The following FEZ2 variants were observed in gnomAD, a reference collection of about 807,000 sequenced individuals.
FEZ2 encodes fasciculation and elongation protein zeta 2, also known as fasciculation and elongation protein zeta-2.
FEZ2 carries 51 observed loss-of-function variants against 40.4 expected under a neutral mutation model. The observed-to-expected ratio is 1.26, with a 90% CI of 1.01 to 1.59. FEZ2 has a LOEUF of 1.59. Among genes scored for constraint, FEZ2 ranks in the 40% most tolerant of loss-of-function variants. The pLI is 0.00. For missense variants in FEZ2, 640 were observed against 438.3 expected (o/e 1.46, Z -4.11); for synonymous variants, 242 against 172.0 (o/e 1.41, Z -3.18).
chr2:36,581,656 T>C (rs1166225899), intron 3 of FEZ2: 2 of 466,836 alleles, frequency 4.3e-6, no homozygotes, highest in African/African-American at 2.0e-5. Context: ...CTAAATAGAA[T>C]TGGATTTACT....
chr2:36,579,743 G>C (rs180955265), intron 4 of FEZ2, among the ~76,000 whole-genome samples: 1 of 152,096 alleles, frequency 6.6e-6, no homozygotes, highest in Non-Finnish European at 1.5e-5. Context: ...TTATAGCAGT[G>C]CAAGAATGGA....
At chr2:36,591,610 A>T (rs1437821702) in intron 1 of FEZ2, 1 of 152,648 alleles carries the variant, frequency 6.6e-6, no homozygotes, top group Non-Finnish European at 1.5e-5. Flanking sequence ...GAAGCTAAGC[A>T]CTAAGGCAGA....
chr2:36,564,254 T>C (rs1668171286), intron 5 of FEZ2, among the ~76,000 whole-genome samples: 2 of 152,242 alleles, frequency 1.3e-5, no homozygotes, highest in South Asian at 4.1e-4. Context: ...TTGACAAGCC[T>C]ATGTTCCTGT....
chr2:36,555,523 G>T (rs1667935118), intron 7 of FEZ2, 160 bp downstream of exon 7: 1 of 448,120 alleles, frequency 2.2e-6, no homozygotes. Context: ...GATATATAAT[G>T]TTGGTAGAAG....
chr2:36,581,094 A>G (rs926609880), intron 4 of FEZ2, among the ~76,000 whole-genome samples, 196 bp downstream of exon 4: 2 of 152,206 alleles, frequency 1.3e-5, no homozygotes, highest in Non-Finnish European at 2.9e-5. Context: ...GGTTGCAGTG[A>G]GCTGAAATCA....
At chr2:36,558,347 AAC>A (rs1295518354) in intron 6 of FEZ2, 89 bp downstream of exon 6, 17 of 732,830 alleles carry the variant, frequency 2.3e-5, no homozygotes, top group Non-Finnish European at 3.2e-5. Flanking sequence ...AAACTGACAA[AAC>A]ACTAACAACA....
chr2:36,560,941 T>C (rs1668077467), intron 5 of FEZ2: 1 of 846,256 alleles, frequency 1.2e-6, no homozygotes, highest in Non-Finnish European at 1.9e-6. Flanking sequence ...GAATGTACCA[T>C]GATGACTTAT....
At chr2:36,556,940 AG>A (rs1200597576) in intron 6 of FEZ2, 1 of 152,212 alleles carries the variant, frequency 6.6e-6, no homozygotes, top group Non-Finnish European at 1.5e-5. Context: ...AAATATGTCC[AG>A]AGATTCCAAA....
intron 5 of FEZ2, among the ~76,000 whole-genome samples, chr2:36,569,800 A>G (rs1668357438): frequency 6.6e-6 from 1 of 152,212 alleles, no homozygotes; most frequent in African/African-American, 2.4e-5. Context: ...CTAACTGGCC[A>G]GGAAATCATT....
At chr2:36,560,242 T>C (rs1668057460) in intron 5 of FEZ2, among the ~76,000 whole-genome samples, 3 of 152,346 alleles carry the variant, frequency 2.0e-5, no homozygotes, top group African/African-American at 7.2e-5. Context: ...TTTGTATAAA[T>C]AATGTCGCAT....
intron 5 of FEZ2, among the ~76,000 whole-genome samples, chr2:36,573,004 A>G (rs1668460533): frequency 6.6e-6 from 1 of 152,162 alleles, no homozygotes; most frequent in South Asian, 2.1e-4. Context: ...TCTTTTCTCT[A>G]CTACCGTTAG....
intron 4 of FEZ2, 104 bp from the exon 5 acceptor site, chr2:36,578,969 A>G: frequency 1.1e-6 from 1 of 901,080 alleles, no homozygotes; most frequent in Non-Finnish European, 1.7e-6. Flanking sequence ...TATGTAATCA[A>G]TGCCAAAGAG....
intron 5 of FEZ2, among the ~76,000 whole-genome samples, chr2:36,574,422 C>T (rs939876007): frequency 4.6e-5 from 7 of 151,666 alleles, no homozygotes; most frequent in African/African-American, 1.2e-4. Flanking sequence ...CTACGAATAC[C>T]GAGAAAGTAA....
At chr2:36,591,124 A>C (rs1669060358) in intron 1 of FEZ2, 113 bp from the exon 2 acceptor site, 1 of 695,620 alleles carries the variant, frequency 1.4e-6, no homozygotes, top group Non-Finnish European at 2.5e-6. Context: ...AGAAAAACAG[A>C]CAGCACATTG....
At chr2:36,568,341 CTAAA>C (rs1406993612) in intron 5 of FEZ2, among the ~76,000 whole-genome samples, 2 of 152,052 alleles carry the variant, frequency 1.3e-5, no homozygotes, top group Non-Finnish European at 2.9e-5. Context: ...AGATTTGTTA[CTAAA>C]TAAATAAGTA....
intron 5 of FEZ2, among the ~76,000 whole-genome samples, chr2:36,563,838 C>A (rs1205353231): frequency 6.6e-6 from 1 of 152,188 alleles, no homozygotes; most frequent in Non-Finnish European, 1.5e-5. Flanking sequence ...TCCTTGGATT[C>A]AGAGACACCA....
chr2:36,574,827 T>C (rs74995958), intron 5 of FEZ2, among the ~76,000 whole-genome samples: 2,016 of 152,244 alleles, frequency 0.013, 46 homozygotes, highest in African/African-American at 0.046. Flanking sequence ...CCCCCCATCC[T>C]CTGCTCCTCC....
chr2:36,592,792 G>T (rs1282530780), intron 1 of FEZ2, among the ~76,000 whole-genome samples: 1 of 152,142 alleles, frequency 6.6e-6, no homozygotes, highest in African/African-American at 2.4e-5. Context: ...TCCAGCCTGG[G>T]AGACAGAGCA....
intron 7 of FEZ2, chr2:36,555,432 C>A: frequency 3.4e-6 from 1 of 298,182 alleles, no homozygotes; most frequent in East Asian, 5.8e-5. Context: ...CTTCTACTAC[C>A]TCTCTTGATG....
Sources: allele counts gnomAD v4.1 joint callset (sites outside exome capture counted in the v4.1 genomes callset), GRCh38; gene constraint gnomAD v4.1.1; transcripts MANE v1.5; gene names NCBI Gene and HGNC (gene_info 2026-07-23, HGNC 2026-07-21).